Variants in RBFOX1 observed in about 807,000 individuals in gnomAD.
RBFOX1 encodes the protein RNA binding fox-1 homolog 1, also known as RNA binding protein fox-1 homolog 1.
RBFOX1 carries 8 observed loss-of-function variants against 57.7 expected under a neutral mutation model. The ratio of observed to expected loss-of-function variants is 0.14; its 90% confidence interval spans 0.08 to 0.25. The LOEUF (loss-of-function observed/expected upper bound fraction) is 0.25. Ranked by LOEUF, RBFOX1 falls within the 10% of genes least tolerant of loss-of-function variation. The pLI is 1.00. For synonymous variants in RBFOX1, 326 were observed against 222.4 expected, an observed-to-expected ratio of 1.47 and a Z score of -4.15; for missense variants, 611 against 548.5, an observed-to-expected ratio of 1.11 and a Z score of -1.14.
chr16:6,635,057 AAT>A (rs894758097), intron 2 of RBFOX1, among the ~76,000 whole-genome samples: 17 of 130,646 alleles, frequency 1.3e-4, no homozygotes, highest in South Asian at 2.7e-4. Flanking sequence ...TAATAGTTTA[AAT>A]ATATGTTATA....
At position 7,068,437 on chromosome 16, in the gene RBFOX1, C is replaced by T. The variant is rs142786404; in HGVS notation, c.27+16339C>T. 3.2e-4 allele frequency among the ~76,000 whole-genome samples: 48 copies of T among 152,212 alleles called. No individual in the cohort carries two copies. The East Asian group carries it at 8.7e-3, about 28-fold the overall frequency. On this transcript the variant is annotated intron_variant, in intron 4 of 15. Coordinates refer to ENST00000550418, the MANE Select transcript of RBFOX1 (RefSeq NM_018723.4). ...AGGTAGCCCAGGGTGGCCATTGGCC[C>T]AGGACTCACCTCTACCTGCCTTTTG...
chr16:5,572,249 A>G (rs1489019020), intron 2 of RBFOX1, among the ~76,000 whole-genome samples: 4 of 152,194 alleles, frequency 2.6e-5, no homozygotes, highest in Admixed American at 6.5e-5. Context: ...GCTTTCTGGG[A>G]AGCATCCAGC....
At chr16:6,684,995 T>C (rs2059211106) in intron 3 of RBFOX1, among the ~76,000 whole-genome samples, 1 of 152,184 alleles carries the variant, frequency 6.6e-6, no homozygotes, top group South Asian at 2.1e-4. Context: ...TTTTACAAAA[T>C]GGGAAAATGG....
At chr16:7,013,613 A>G (rs1330894693) in intron 3 of RBFOX1, among the ~76,000 whole-genome samples, 2 of 152,212 alleles carry the variant, frequency 1.3e-5, no homozygotes, top group African/African-American at 2.4e-5. Context: ...CTAATGTTAT[A>G]TTACCTGGAA....
chr16:5,329,801 C>A (rs1028968690), intron 1 of RBFOX1, among the ~76,000 whole-genome samples: 1 of 152,076 alleles, frequency 6.6e-6, no homozygotes, highest in Non-Finnish European at 1.5e-5. Context: ...AGATCGAGAC[C>A]ATCCTGGCTA....
At chr16:6,083,481 T>C (rs2096039425) in intron 1 of RBFOX1, among the ~76,000 whole-genome samples, 1 of 152,006 alleles carries the variant, frequency 6.6e-6, no homozygotes, top group Admixed American at 6.6e-5. Flanking sequence ...TTTTTGGTTT[T>C]GGTTTTGGTT....
At chr16:5,574,850 C>T (rs1316628469) in intron 2 of RBFOX1, among the ~76,000 whole-genome samples, 1 of 152,140 alleles carries the variant, frequency 6.6e-6, no homozygotes. Flanking sequence ...GGCTTGGCTC[C>T]AGAAGGAGAT....
At chr16:5,642,152 T>C (rs1290975758) in intron 3 of RBFOX1, among the ~76,000 whole-genome samples, 3 of 152,176 alleles carry the variant, frequency 2.0e-5, no homozygotes, top group Admixed American at 2.0e-4. Flanking sequence ...TTAGAGGCCA[T>C]GTGCTCATTG....
At chr16:6,418,529 T>TTTA (rs975909486) in intron 2 of RBFOX1, among the ~76,000 whole-genome samples, 2 of 145,180 alleles carry the variant, frequency 1.4e-5, no homozygotes, top group Admixed American at 6.8e-5. Context: ...ATTTTTTTTT[T>TTTA]TTTTTTTTTT....
intron 5 of RBFOX1, among the ~76,000 whole-genome samples, chr16:7,542,877 C>T (rs937174885): frequency 6.6e-6 from 1 of 150,562 alleles, no homozygotes; most frequent in African/African-American, 2.4e-5. Context: ...AGGGAAGGAT[C>T]TAGCTAGGCA....
At chr16:7,386,063 G>C (rs1359294017) in intron 4 of RBFOX1, among the ~76,000 whole-genome samples, 1 of 151,686 alleles carries the variant, frequency 6.6e-6, no homozygotes, top group East Asian at 1.9e-4. Flanking sequence ...TGCTGGGATT[G>C]CAGGTGTGAG....
intron 1 of RBFOX1, chr16:5,289,367 T>C (rs182060051): frequency 1.8e-4 from 73 of 402,482 alleles, no homozygotes; most frequent in East Asian, 1.3e-3. Flanking sequence ...GGGCCCATCA[T>C]TGGCATCATG....
At chr16:5,672,139 G>A (rs925767400) in intron 3 of RBFOX1, among the ~76,000 whole-genome samples, 7 of 152,098 alleles carry the variant, frequency 4.6e-5, no homozygotes, top group African/African-American at 1.7e-4. Context: ...TCAGTCTGGG[G>A]GCAGGCAGTG....
At chr16:7,069,099 A>G (rs1307140793) in intron 4 of RBFOX1, among the ~76,000 whole-genome samples, 1 of 152,364 alleles carries the variant, frequency 6.6e-6, no homozygotes, top group African/African-American at 2.4e-5. Context: ...CAGATCCCTG[A>G]CATTATTTTA....
chr16:5,649,240 C>T (rs1292103050), intron 3 of RBFOX1, among the ~76,000 whole-genome samples: 1 of 152,004 alleles, frequency 6.6e-6, no homozygotes, highest in Non-Finnish European at 1.5e-5. Context: ...ACAATTTTGG[C>T]TCACTGCAAC....
chr16:7,449,913 A>G (rs374875541), intron 4 of RBFOX1, among the ~76,000 whole-genome samples: 1 of 152,194 alleles, frequency 6.6e-6, no homozygotes, highest in African/African-American at 2.4e-5. Context: ...TATGAAACAT[A>G]TGAGAGCAGT....
intron 4 of RBFOX1, among the ~76,000 whole-genome samples, chr16:7,166,575 C>T (rs768119089): frequency 2.6e-5 from 4 of 152,246 alleles, no homozygotes; most frequent in African/African-American, 4.8e-5. Context: ...AGGACAGCCT[C>T]GTCATCGGTT....
intron 4 of RBFOX1, among the ~76,000 whole-genome samples, chr16:7,103,751 A>G (rs925847572): frequency 6.6e-6 from 1 of 152,232 alleles, no homozygotes; most frequent in Admixed American, 6.6e-5. Flanking sequence ...TGGTGGTATC[A>G]GAATTTGTAC....
At chr16:6,293,889 G>C (rs926752437) in intron 1 of RBFOX1, among the ~76,000 whole-genome samples, 1 of 7,508 alleles carries the variant, frequency 1.3e-4, no homozygotes, top group African/African-American at 1.8e-4. Flanking sequence ...AGAATTCCAG[G>C]GTGAGCGGGG....
Sources: gnomAD v4.1 joint callset for allele counts (sites outside exome capture counted in the v4.1 genomes callset) on GRCh38, gnomAD v4.1.1 for gene constraint, MANE v1.5 for transcripts, NCBI Gene and HGNC (gene_info 2026-07-23, HGNC 2026-07-21) for gene names.